Variants in SRGAP2C observed in about 807,000 individuals in gnomAD.
The protein encoded by SRGAP2C is SLIT-ROBO Rho GTPase-activating protein 2C.
SRGAP2C carries 15 observed loss-of-function variants against 25.1 expected under a neutral mutation model. The ratio of observed to expected loss-of-function variants is 0.60; its 90% CI spans 0.40 to 0.92. The LOEUF is 0.92. Among genes scored for constraint, SRGAP2C ranks in the 40% least tolerant of loss-of-function variants. The pLI is 0.00. For missense variants in SRGAP2C, 144 were observed against 264.4 expected, an observed-to-expected ratio of 0.54 and a Z score of 3.16; for synonymous variants, 44 against 96.6, an observed-to-expected ratio of 0.46 and a Z score of 3.19.
At chr1:121,297,077 T>G (rs1173259906) in intron 3 of SRGAP2C, among the ~76,000 whole-genome samples, 4 of 152,090 alleles carry the variant, frequency 2.6e-5, no homozygotes, top group Admixed American at 1.3e-4. Context: ...TTTGCCCAGA[T>G]GTAGCACCTG....
At chr1:121,199,018 T>TATA (rs764228869) in intron 2 of SRGAP2C, among the ~76,000 whole-genome samples, 1 of 152,218 alleles carries the variant, frequency 6.6e-6, no homozygotes, top group Non-Finnish European at 1.5e-5. Flanking sequence ...TCTTGGCCCT[T>TATA]ATAATAATGA....
chr1:121,389,302 AT>A lies in SRGAP2C; in HGVS notation c.*1450del, dbSNP rs1660018686. 7.1e-6 allele frequency: 1 copy of A among 139,922 alleles called. No individual in the cohort carries two copies. Among genetic ancestry groups the A allele is most frequent in the African/African-American group, 2.7e-5 (1 of 37,616 alleles). The allele number at this position is 139,922 out of a possible 1,614,324, so 8.7% of individuals were successfully genotyped here. A position where few individuals can be genotyped will look rare whatever the true frequency, so the allele number is the denominator to read the frequency against. ...AAATTTATCTTCACCATCATCATTAATTTATTTATTAATCATTATTAAATTA... is the reference window on the plus strand; with the variant it reads ...AAATTTATCTTCACCATCATCATTAATTATTTATTAATCATTATTAAATTA... On this transcript the variant is annotated 3_prime_UTR_variant, in exon 10 of 10. Transcript: ENST00000367123.
chr1:121,207,561 G>A (rs1553322737), intron 2 of SRGAP2C, among the ~76,000 whole-genome samples: 1 of 152,188 alleles, frequency 6.6e-6, no homozygotes, highest in African/African-American at 2.4e-5. Context: ...GGGTGTGGAG[G>A]CAGAAGTGGT....
intron 3 of SRGAP2C, among the ~76,000 whole-genome samples, chr1:121,295,269 G>C (rs1305237171): frequency 6.7e-6 from 1 of 149,528 alleles, no homozygotes; most frequent in Non-Finnish European, 1.5e-5. Flanking sequence ...TCTTGATTAG[G>C]GATTTGGCTC....
chr1:121,208,013 TCTCTAAC>T (rs1553322798), intron 2 of SRGAP2C, among the ~76,000 whole-genome samples: 1 of 151,520 alleles, frequency 6.6e-6, no homozygotes, highest in Admixed American at 6.6e-5. Context: ...CCTGGGTAAG[TCTCTAAC>T]CTCTCCTGGC....
chr1:121,271,482 A>G (rs1429584781), intron 2 of SRGAP2C, among the ~76,000 whole-genome samples: 13 of 151,906 alleles, frequency 8.6e-5, no homozygotes, highest in African/African-American at 3.1e-4. Context: ...TACAGCAATA[A>G]GTGAAACTTA....
intron 2 of SRGAP2C, among the ~76,000 whole-genome samples, chr1:121,257,255 A>G (rs1656492965): frequency 7.0e-6 from 1 of 142,402 alleles, no homozygotes; most frequent in Non-Finnish European, 1.5e-5. Flanking sequence ...AGCTGAGACT[A>G]CAGGCACGCA....
intron 4 of SRGAP2C, among the ~76,000 whole-genome samples, chr1:121,353,462 C>T (rs1658977254): frequency 6.8e-6 from 1 of 146,928 alleles, no homozygotes. Flanking sequence ...CAGTTACAGG[C>T]ATGAGCCACC....
chr1:121,378,999 C>T (rs1570831506), intron 7 of SRGAP2C, among the ~76,000 whole-genome samples: 1 of 152,132 alleles, frequency 6.6e-6, no homozygotes, highest in East Asian at 1.9e-4. Flanking sequence ...TGTAATTTTC[C>T]TCCCCCATAC....
intron 5 of SRGAP2C, among the ~76,000 whole-genome samples, chr1:121,371,192 GTAGC>G (rs1420901805): frequency 7.2e-6 from 1 of 139,500 alleles, no homozygotes; most frequent in East Asian, 2.1e-4. Context: ...ACATATATGA[GTAGC>G]TATATGTCTA....
intron 7 of SRGAP2C, among the ~76,000 whole-genome samples, chr1:121,378,833 G>A (rs1553354072): frequency 6.6e-6 from 1 of 152,120 alleles, no homozygotes; most frequent in East Asian, 1.9e-4. Flanking sequence ...CCAAGGACTA[G>A]CCTCCGACTT....
At chr1:121,224,257 TTTGCCTGTTCAC>T (rs1478140142) in intron 2 of SRGAP2C, among the ~76,000 whole-genome samples, 2 of 110,630 alleles carry the variant, frequency 1.8e-5, no homozygotes, top group Non-Finnish European at 3.7e-5. Flanking sequence ...CTGTGCGGTA[TTTGCCTGTTCAC>T]TTGCCTGTTC....
intron 3 of SRGAP2C, among the ~76,000 whole-genome samples, chr1:121,289,411 C>T (rs1657447168): frequency 1.3e-5 from 2 of 151,912 alleles, no homozygotes; most frequent in Admixed American, 6.5e-5. Context: ...GCGGGGCCCA[C>T]CAAGCCCACG....
intron 2 of SRGAP2C, among the ~76,000 whole-genome samples, chr1:121,212,706 G>A (rs1206910991): frequency 3.3e-5 from 5 of 150,720 alleles, no homozygotes; most frequent in Non-Finnish European, 7.4e-5. Flanking sequence ...CACCTATTGG[G>A]TATGATTTTA....
intron 2 of SRGAP2C, among the ~76,000 whole-genome samples, chr1:121,218,764 G>A (rs151225678): frequency 0.61 from 92,320 of 151,352 alleles, 28,390 homozygotes; most frequent in East Asian, 0.79. Flanking sequence ...GAAAAAAAAA[G>A]TGAATGTACA....
chr1:121,223,210 A>C (rs1271712036), intron 2 of SRGAP2C, among the ~76,000 whole-genome samples: 1 of 146,776 alleles, frequency 6.8e-6, no homozygotes, highest in African/African-American at 2.5e-5. Context: ...CTATGTCAGA[A>C]TATTCCGCTT....
chr1:121,370,592 C>G (rs1659459252), intron 5 of SRGAP2C, among the ~76,000 whole-genome samples: 1 of 150,624 alleles, frequency 6.6e-6, no homozygotes, highest in East Asian at 2.0e-4. Flanking sequence ...CAGGCACCCG[C>G]CACCACGCCC....
At chr1:121,208,158 A>T (rs1655162554) in intron 2 of SRGAP2C, among the ~76,000 whole-genome samples, 1 of 152,160 alleles carries the variant, frequency 6.6e-6, no homozygotes, top group East Asian at 1.9e-4. Flanking sequence ...ATATATTAAG[A>T]TTTTATTTGC....
chr1:121,244,090 T>A (rs1171792116), intron 2 of SRGAP2C, among the ~76,000 whole-genome samples: 1 of 122,458 alleles, frequency 8.2e-6, no homozygotes, highest in African/African-American at 3.4e-5. Context: ...TGTAAGAGAC[T>A]GACTGGTGGA....
Sources: gnomAD v4.1 joint callset for allele counts (sites outside exome capture counted in the v4.1 genomes callset) on GRCh38, gnomAD v4.1.1 for gene constraint, MANE v1.5 for transcripts, NCBI Gene and HGNC (gene_info 2026-07-23, HGNC 2026-07-21) for gene names.